MON2: variants seen among roughly 807,000 people sequenced by gnomAD.
MON2 encodes the protein MON2 regulator of endosome-to-Golgi trafficking, also known as protein MON2 homolog.
MON2 carries 84 observed loss-of-function variants against 208.6 expected under a neutral mutation model. The ratio of observed to expected loss-of-function variants is 0.40; its 90% CI spans 0.34 to 0.48. The LOEUF (loss-of-function observed/expected upper bound fraction) is 0.48. Ranked by LOEUF, MON2 falls within the 20% of genes least tolerant of loss-of-function variation. The pLI is 0.59. For synonymous variants in MON2, 660 were observed against 694.0 expected (o/e 0.95, Z 0.77); for missense variants, 1,611 against 2,015.4 (o/e 0.80, Z 3.84).
At chr12:62,568,737 C>T (rs941985362) in intron 29 of MON2, among the ~76,000 whole-genome samples, 2 of 152,080 alleles carry the variant, frequency 1.3e-5, no homozygotes, top group Admixed American at 6.6e-5. Context: ...ACTGCAGTCT[C>T]CACCTCCCGG....
rs2074036641 is a variant in MON2, at chr12:62,557,942, ATATATATATATATATATATATTTTTTTTT to A, written c.3409+1752_3409+1780del. ...AACGAATAGATTTATATATATATAT[ATATATATATATATATATATATTTTTTTTT>A]TTTTTTTTTTTTTTTTTTTTGAGAT... On this transcript the variant is annotated intron_variant, in intron 25 of 34. Transcript: ENST00000393630. Among the ~76,000 whole-genome samples the A allele has an allele frequency of 1.4e-4, 6 of 41,660 alleles. 1 individual carries two copies. The highest frequency in any genetic ancestry group is 1.0e-3 in the Admixed American group (3 of 2,934). The allele number at this position is 41,660 out of a possible 152,430, so 27.3% of individuals were successfully genotyped here. A position where few individuals can be genotyped will look rare whatever the true frequency, so the allele number is the denominator to read the frequency against.
At chr12:62,490,005 G>C in intron 2 of MON2, 1 of 1,196,260 alleles carries the variant, frequency 8.4e-7, no homozygotes, top group Non-Finnish European at 1.1e-6. Flanking sequence ...GATTCATAGT[G>C]GGGTATCCTA....
chr12:62,495,717 A>T (rs1467286248), intron 4 of MON2, among the ~76,000 whole-genome samples: 5 of 143,860 alleles, frequency 3.5e-5, no homozygotes, highest in African/African-American at 1.3e-4. Context: ...AAAAAAAAAG[A>T]TACTGCCTTG....
At chr12:62,567,568 G>T (rs2074430335) in intron 29 of MON2, among the ~76,000 whole-genome samples, 1 of 152,022 alleles carries the variant, frequency 6.6e-6, no homozygotes, top group South Asian at 2.1e-4. Flanking sequence ...CATGGTACTG[G>T]CCTTCTGAAA....
chr12:62,469,531 C>A (rs2068681478), intron 1 of MON2, among the ~76,000 whole-genome samples: 1 of 152,116 alleles, frequency 6.6e-6, no homozygotes, highest in Non-Finnish European at 1.5e-5. Flanking sequence ...ATTTCTTACC[C>A]AATGACACTG....
At chr12:62,496,015 A>G (rs539786242) in intron 4 of MON2, among the ~76,000 whole-genome samples, 1 of 152,278 alleles carries the variant, frequency 6.6e-6, no homozygotes, top group East Asian at 1.9e-4. Context: ...GCAGTAAATG[A>G]ATTATAGTCT....
chr12:62,508,755 A>G, intron 8 of MON2: 2 of 343,266 alleles, frequency 5.8e-6, no homozygotes, highest in East Asian at 5.2e-5. Context: ...TTCTTAGCTA[A>G]TTGTCTGTAT....
chr12:62,581,109 G>T (rs937694443), intron 32 of MON2, among the ~76,000 whole-genome samples: 6 of 152,178 alleles, frequency 3.9e-5, no homozygotes, highest in Non-Finnish European at 5.9e-5. Context: ...CACAATCTTA[G>T]GGCTAGAGGC....
intron 31 of MON2, among the ~76,000 whole-genome samples, chr12:62,578,818 C>T (rs2074889551): frequency 6.6e-6 from 1 of 152,208 alleles, no homozygotes; most frequent in South Asian, 2.1e-4. Context: ...AGAGCTTACT[C>T]TGCAGTTTGA....
At chr12:62,548,676 A>C (rs901901422) in intron 22 of MON2, among the ~76,000 whole-genome samples, 13 of 152,220 alleles carry the variant, frequency 8.5e-5, no homozygotes, top group African/African-American at 3.1e-4. Context: ...AATGTGGTGT[A>C]CTAAATAGGG....
At chr12:62,578,414 T>C (rs1260135091) in intron 30 of MON2, 31 bp from the exon 31 acceptor site, 2 of 1,296,698 alleles carry the variant, frequency 1.5e-6, no homozygotes. Flanking sequence ...GAATATTTTA[T>C]CTTTAAAAAT....
intron 1 of MON2, among the ~76,000 whole-genome samples, chr12:62,482,014 C>G (rs1371412394): frequency 6.6e-6 from 1 of 152,188 alleles, no homozygotes; most frequent in Non-Finnish European, 1.5e-5. Context: ...GATTGCACTT[C>G]TGGGTATGCT....
intron 11 of MON2, among the ~76,000 whole-genome samples, chr12:62,530,399 T>G (rs2072574672): frequency 6.6e-6 from 1 of 151,640 alleles, no homozygotes; most frequent in South Asian, 2.1e-4. Context: ...CCCGGCTAAT[T>G]TTTTGTATTT....
rs945864501 is a variant in MON2, at chr12:62,537,529, A to G, written c.2014-73A>G. 7.8e-6 allele frequency: 9 copies of G among 1,158,608 alleles called. No individual in the cohort carries two copies. The African/African-American group carries it at 9.5e-5, about 12-fold the overall frequency. 71.8% of individuals were successfully genotyped at this position (1,158,608 alleles called of 1,614,324 possible). A position where few individuals can be genotyped will look rare whatever the true frequency, so the allele number is the denominator to read the frequency against. On this transcript the variant is annotated intron_variant, in intron 15 of 34. Coordinates refer to ENST00000393630, the MANE Select transcript of MON2 (RefSeq NM_015026.3). The stretch of plus-strand genomic sequence containing the variant: ...TTTAAAAAAATCTTTTAACACATTA[A>G]TGCTACTTTATAAGCTTTTAATTTT...
At chr12:62,567,366 A>G (rs1023403788) in intron 29 of MON2, among the ~76,000 whole-genome samples, 2 of 152,206 alleles carry the variant, frequency 1.3e-5, no homozygotes, top group African/African-American at 4.8e-5. Flanking sequence ...TCAAATTGTC[A>G]TCCTCTTTCA....
chr12:62,473,882 T>TTCC (rs1221428558), intron 1 of MON2, among the ~76,000 whole-genome samples: 16 of 152,088 alleles, frequency 1.1e-4, no homozygotes, highest in Non-Finnish European at 1.6e-4. Flanking sequence ...TCCTTTTCTT[T>TTCC]ACATACAAGT....
chr12:62,468,867 T>C (rs1157450948), intron 1 of MON2, among the ~76,000 whole-genome samples: 1 of 152,238 alleles, frequency 6.6e-6, no homozygotes, highest in Non-Finnish European at 1.5e-5. Flanking sequence ...TTCGCAGTTC[T>C]AATAATTCAT....
At chr12:62,561,775 C>T (rs767818222) in intron 26 of MON2, among the ~76,000 whole-genome samples, 2 of 152,096 alleles carry the variant, frequency 1.3e-5, no homozygotes, top group South Asian at 2.1e-4. Flanking sequence ...GAGTAGCCAG[C>T]CATTCCAACA....
At chr12:62,546,762 A>C (rs975413930) in intron 21 of MON2, 135 bp from the exon 22 acceptor site, 74 of 684,124 alleles carry the variant, frequency 1.1e-4, no homozygotes, top group Non-Finnish European at 1.5e-4. Context: ...ATTTCAAAAA[A>C]AATAAATAAA....
Sources: allele counts gnomAD v4.1 joint callset (sites outside exome capture counted in the v4.1 genomes callset), GRCh38; gene constraint gnomAD v4.1.1; transcripts MANE v1.5; gene names NCBI Gene and HGNC (gene_info 2026-07-23, HGNC 2026-07-21).